The following XPO6 variants were observed in gnomAD, a reference collection of about 807,000 sequenced individuals.
The protein encoded by XPO6 is exportin-6.
Under a neutral mutation model 130.0 loss-of-function variants are expected in XPO6, and 3 were observed. That is an observed-to-expected ratio of 0.02 (90% confidence interval 0.01 to 0.06). The LOEUF is 0.06. Ranked by LOEUF, XPO6 falls within the 10% of genes least tolerant of loss-of-function variation. The pLI is 1.00. For missense variants in XPO6, 970 were observed against 1,393.0 expected (o/e 0.70, Z 4.83); for synonymous variants, 524 against 548.9 (o/e 0.95, Z 0.63).
At chr16:28,149,694 C>T (rs1250187305) in intron 8 of XPO6, among the ~76,000 whole-genome samples, 2 of 152,188 alleles carry the variant, frequency 1.3e-5, no homozygotes, top group Non-Finnish European at 2.9e-5. Flanking sequence ...CCCATCTAGG[C>T]TTGCGTAAGT....
intron 2 of XPO6, chr16:28,179,208 CT>C (rs1034999548): frequency 6.6e-6 from 1 of 152,326 alleles, no homozygotes; most frequent in African/African-American, 2.4e-5. Context: ...TGCTGTTTTC[CT>C]GAGGAGACAT....
intron 7 of XPO6, chr16:28,154,142 G>A: frequency 3.0e-6 from 3 of 983,644 alleles, no homozygotes; most frequent in Non-Finnish European, 2.4e-6. Context: ...TCAAGAGTAG[G>A]AACTCCTTCC....
intron 11 of XPO6, among the ~76,000 whole-genome samples, chr16:28,133,021 T>C (rs1263593042): frequency 1.3e-5 from 2 of 152,154 alleles, no homozygotes; most frequent in Non-Finnish European, 2.9e-5. Flanking sequence ...AACACAAGTA[T>C]AGCTGGGTCA....
At chr16:28,135,423 CA>C in intron 9 of XPO6, 99 bp from the exon 10 acceptor site, 1 of 943,914 alleles carries the variant, frequency 1.1e-6, no homozygotes, top group African/African-American at 1.6e-5. Flanking sequence ...CTATGTTGAT[CA>C]CCATGGAAAA....
chr16:28,108,498 G>A (rs970386510), intron 17 of XPO6, among the ~76,000 whole-genome samples: 3 of 152,174 alleles, frequency 2.0e-5, no homozygotes, highest in African/African-American at 4.8e-5. Flanking sequence ...ACAAGGTCCC[G>A]AACGATGCTA....
chr16:28,105,040 A>C (rs565143641), intron 20 of XPO6, among the ~76,000 whole-genome samples: 3 of 152,354 alleles, frequency 2.0e-5, no homozygotes, highest in Non-Finnish European at 4.4e-5. Context: ...AAAGCTACCA[A>C]GTGGATGAAC....
intron 17 of XPO6, among the ~76,000 whole-genome samples, chr16:28,110,550 G>A (rs1401333801): frequency 6.6e-6 from 1 of 152,174 alleles, no homozygotes; most frequent in Non-Finnish European, 1.5e-5. Flanking sequence ...GGAGTTGTTT[G>A]TTACCACTGA....
intron 1 of XPO6, among the ~76,000 whole-genome samples, chr16:28,200,483 T>C (rs1327696319): frequency 6.6e-6 from 1 of 152,078 alleles, no homozygotes; most frequent in Non-Finnish European, 1.5e-5. Flanking sequence ...TACTTTTTCT[T>C]TCTTTCTTTT....
rs778200046 is a variant in XPO6 at position 28,135,242 on chromosome 16, A to C, written c.1417T>G (p.Leu473Val). Residue 473 changes from leucine (L) to valine (V), a missense_variant, in exon 10 of 24, where the codon TTG becomes GTG. Leu to Val is a conservative substitution (Grantham distance 32). This residue lies in a region of XPO6 where 936 missense variants were observed against 1,306.8 expected (regional missense o/e 0.72). Transcript: ENST00000304658. ...TCGTCATCCAGAGTCTCATCATCCA[A>C]CTCCTCCAGCTGGGCTTGGTTGTAT... ...FRYNQAQLEE[L>V]DDETLDDDQQ... 1 of 1,613,188 alleles carries C rather than the reference A, an allele frequency of 6.2e-7. No homozygotes were observed. Among genetic ancestry groups the C allele is most frequent in the South Asian group, 1.1e-5 (1 of 90,900 alleles).
chr16:28,138,874 A>G (rs1353624276), intron 9 of XPO6, among the ~76,000 whole-genome samples: 1 of 152,212 alleles, frequency 6.6e-6, no homozygotes, highest in East Asian at 1.9e-4. Context: ...CAAATAAGTA[A>G]GAGGATTCAA....
At chr16:28,121,872 C>A in intron 13 of XPO6, 110 bp from the exon 14 acceptor site, 1 of 671,438 alleles carries the variant, frequency 1.5e-6, no homozygotes, top group Non-Finnish European at 2.6e-6. Context: ...TTTTCATATA[C>A]AAAAAAGAAT....
chr16:28,114,465 A>G (rs1186630035), intron 15 of XPO6, among the ~76,000 whole-genome samples: 1 of 152,234 alleles, frequency 6.6e-6, no homozygotes, highest in Non-Finnish European at 1.5e-5. Context: ...TTGTTTCCCA[A>G]TGCATATGTT....
intron 9 of XPO6, among the ~76,000 whole-genome samples, chr16:28,142,109 C>T (rs1316023361): frequency 6.6e-6 from 1 of 152,224 alleles, no homozygotes; most frequent in African/African-American, 2.4e-5. Context: ...TGTGACTTAA[C>T]CACACCTACA....
intron 12 of XPO6, among the ~76,000 whole-genome samples, chr16:28,130,015 C>T (rs1331515928): frequency 6.6e-6 from 1 of 152,194 alleles, no homozygotes; most frequent in South Asian, 2.1e-4. Context: ...GGATGACCTG[C>T]CAGGAGCCAG....
At chr16:28,206,715 T>C (rs958791268) in intron 1 of XPO6, among the ~76,000 whole-genome samples, 2 of 152,218 alleles carry the variant, frequency 1.3e-5, no homozygotes, top group African/African-American at 4.8e-5. Flanking sequence ...AAGTCATTTC[T>C]TGACAGGTAA....
intron 11 of XPO6, 109 bp downstream of exon 11, chr16:28,133,732 A>G: frequency 1.0e-6 from 1 of 952,468 alleles, no homozygotes; most frequent in Non-Finnish European, 1.6e-6. Flanking sequence ...TTTAAAAATT[A>G]CATAGAGGGG....
chr16:28,177,288 A>C lies in XPO6; in HGVS notation c.139T>G (p.Phe47Val). The C allele has an allele frequency of 6.2e-7, 1 of 1,613,340 alleles. No individual in the cohort carries two copies. The highest frequency in any genetic ancestry group is 8.5e-7 in the Non-Finnish European group (1 of 1,179,692). The stretch of plus-strand genomic sequence containing the variant: ...GTGCTGGAGAGAAAGTACAGGCAGA[A>C]TCTCCAGGCTCCTATTTGCTGGGCA... ...NFAQQIGAWR[F>V]CLYFLSSTRN... The change falls in exon 3 of 24, where the codon TTC (phenylalanine) becomes GTC (valine). Residue 47 changes from phenylalanine to valine, a missense_variant. Phe to Val is a conservative substitution (Grantham distance 50, BLOSUM62 -1). Around this residue, in one of 4 missense-constraint regions of XPO6, gnomAD observed 13 missense variants for 32.0 expected, o/e 0.41. Coordinates refer to ENST00000304658, the MANE Select transcript of XPO6 (RefSeq NM_015171.4).
chr16:28,160,102 T>C (rs2043249891), intron 6 of XPO6, among the ~76,000 whole-genome samples: 1 of 149,984 alleles, frequency 6.7e-6, no homozygotes, highest in African/African-American at 2.5e-5. Flanking sequence ...GGAGAATTGC[T>C]TGAACCCGGG....
At chr16:28,163,525 G>C (rs1194362631) in intron 6 of XPO6, among the ~76,000 whole-genome samples, 2 of 152,226 alleles carry the variant, frequency 1.3e-5, no homozygotes, top group Admixed American at 6.5e-5. Context: ...CAGGCAAAGA[G>C]AAGTGAACAT....
Sources: allele counts gnomAD v4.1 joint callset (sites outside exome capture counted in the v4.1 genomes callset), GRCh38; gene constraint gnomAD v4.1.1; regional missense constraint gnomAD v4.1.1; transcripts MANE v1.5; gene names NCBI Gene and HGNC (gene_info 2026-07-23, HGNC 2026-07-21).